The following CLASRP variants were observed in gnomAD, a reference collection of about 807,000 sequenced individuals.
CLASRP encodes CLK4 associating serine/arginine rich protein.
Under a neutral mutation model 99.9 loss-of-function variants are expected in CLASRP, and 52 were observed. The observed-to-expected ratio is 0.52, with a 90% CI of 0.42 to 0.66. CLASRP has a LOEUF of 0.66. Ranked by LOEUF, CLASRP falls within the 30% of genes least tolerant of loss-of-function variation. CLASRP has a pLI of 0.00. For missense variants in CLASRP, 848 were observed against 999.2 expected, an observed-to-expected ratio of 0.85 and a Z score of 2.04; for synonymous variants, 379 against 373.0, an observed-to-expected ratio of 1.02 and a Z score of -0.18.
chr19:45,064,073 G>A lies in CLASRP; in HGVS notation c.967G>A (p.Glu323Lys). 6.2e-7 allele frequency: 1 copy of A among 1,602,560 alleles called. No homozygotes were observed. Among genetic ancestry groups the A allele is most frequent in the Non-Finnish European group, 8.5e-7 (1 of 1,174,538 alleles). Residue 323 changes from glutamate (E) to lysine (K), a missense_variant, in exon 12 of 21, where the codon GAG (glutamate) becomes AAG (lysine). Physicochemically the swap from Glu to Lys is moderately conservative, Grantham distance 56 (BLOSUM62 1). This residue lies in a region of CLASRP where 489 missense variants were observed against 434.7 expected (regional missense o/e 1.12). Coordinates refer to ENST00000221455, the MANE Select transcript of CLASRP (RefSeq NM_007056.3). The part of the protein sequence containing the change: ...SRSRSPTPGR[E>K]EKITFITSFG... ...CTCCCGCTCCCCGACCCCGGGCCGC[G>A]AGGAGAAGATCACGTTCATCACCAG... is the stretch of plus-strand genomic sequence containing the variant.
rs919592289 is a variant in CLASRP at position 45,064,458 on chromosome 19, C to T, written c.1237C>T (p.Arg413Cys). 2 of 1,528,416 alleles carry T rather than the reference C, an allele frequency of 1.3e-6. No individual in the cohort carries two copies. The highest frequency in any genetic ancestry group is 1.4e-5 in the African/African-American group (1 of 72,670). 94.7% of individuals were successfully genotyped at this position (1,528,416 alleles called of 1,614,324 possible). A position where few individuals can be genotyped will look rare whatever the true frequency, so the allele number is the denominator to read the frequency against. ...TGGTGGGGGCTACTACCGTTCCGGC[C>T]GCCACGCCCGCTCCCGGTCCCGCTC... Reference protein sequence around the residue: ...RRGGGYYRSGRHARSRSRSWS... With the variant: ...RRGGGYYRSGCHARSRSRSWS... Residue 413 changes from arginine (R) to cysteine (C), a missense_variant, in exon 13 of 21, where the codon CGC becomes TGC. Arg to Cys is a radical substitution (Grantham distance 180). Coordinates refer to ENST00000221455, the MANE Select transcript of CLASRP (RefSeq NM_007056.3).
intron 5 of CLASRP, among the ~76,000 whole-genome samples, chr19:45,055,051 G>A (rs932671029): frequency 1.3e-5 from 2 of 152,210 alleles, no homozygotes; most frequent in African/African-American, 4.8e-5. Context: ...GCTTCCTGGT[G>A]GTAGAGCCAG....
chr19:45,046,906 A>G (rs141298485), intron 2 of CLASRP, among the ~76,000 whole-genome samples: 42 of 152,312 alleles, frequency 2.8e-4, no homozygotes, highest in African/African-American at 9.9e-4. Context: ...ACATGCCTGC[A>G]GTTCCAGCTA....
At position 45,065,388 on chromosome 19, in the gene CLASRP, C is replaced by CAAAGAA. The variant is rs1456182873; in HGVS notation, c.1409+761_1409+762insGAAAAA. The stretch of plus-strand genomic sequence containing the variant: ...CTGGTGACAGAGTGAGATTCCGTCT[C>CAAAGAA]AAAAAAAAAAAAAAAAAAAAAAATT... On this transcript the variant is annotated intron_variant, in intron 13 of 20. Transcript: ENST00000221455. Among the ~76,000 whole-genome samples the CAAAGAA allele has an allele frequency of 3.8e-3, 323 of 84,960 alleles. 3 individuals are homozygous for CAAAGAA. The highest frequency in any genetic ancestry group is 6.6e-3 in the Non-Finnish European group (267 of 40,752). The allele number at this position is 84,960 out of a possible 152,430, so 55.7% of individuals were successfully genotyped here.
chr19:45,058,218 G>T (rs955390297), intron 7 of CLASRP: 2 of 347,328 alleles, frequency 5.8e-6, no homozygotes, highest in Non-Finnish European at 1.1e-5. Flanking sequence ...CCCTCCTCTG[G>T]AAAACAAGTG....
chr19:45,068,361 G>C, intron 15 of CLASRP, 59 bp from the exon 16 acceptor site: 1 of 881,996 alleles, frequency 1.1e-6, no homozygotes, highest in East Asian at 2.4e-5. Flanking sequence ...TGGCTGAGGT[G>C]GGTTGTGGGA....
chr19:45,063,385 A>G (rs1380717791), intron 11 of CLASRP, among the ~76,000 whole-genome samples: 1 of 139,346 alleles, frequency 7.2e-6, no homozygotes, highest in Non-Finnish European at 1.5e-5. Flanking sequence ...CAGATTATCC[A>G]TGTATCTTTT....
chr19:45,059,189 C>T, intron 7 of CLASRP, 79 bp from the exon 8 acceptor site: 1 of 1,267,208 alleles, frequency 7.9e-7, no homozygotes, highest in African/African-American at 1.5e-5. Flanking sequence ...CCCCATCATC[C>T]CCGCCTCCTG....
At position 45,067,317 on chromosome 19, in the gene CLASRP, C is replaced by T. The variant is rs1207219078; in HGVS notation, c.1410-20C>T. Reference sequence around the variant, plus strand: ...TCCCTGGAGCCTCACAGTCCTCCTCCCGCCCTGCTGCATCCCCAGGAGCCG... The same window carrying T: ...TCCCTGGAGCCTCACAGTCCTCCTCTCGCCCTGCTGCATCCCCAGGAGCCG... On this transcript the variant is annotated intron_variant, in intron 13 of 20. Coordinates refer to ENST00000221455, the MANE Select transcript of CLASRP (RefSeq NM_007056.3). The surrounding 1 kb of genome is among the most constrained non-coding windows in gnomAD (Gnocchi z 4.9). 1 of 1,488,282 alleles carries T rather than the reference C, an allele frequency of 6.7e-7. No homozygotes were observed. The highest frequency in any genetic ancestry group is 2.5e-5 in the East Asian group (1 of 40,276). The allele number at this position is 1,488,282 out of a possible 1,614,324, so 92.2% of individuals were successfully genotyped here. A position where few individuals can be genotyped will look rare whatever the true frequency, so the allele number is the denominator to read the frequency against.
At chr19:45,068,601 G>A (rs532209509) in intron 16 of CLASRP, 121 bp downstream of exon 16, 11 of 770,648 alleles carry the variant, frequency 1.4e-5, no homozygotes, top group South Asian at 3.0e-5. Context: ...ACGCAGGCAC[G>A]GAGGTGCTCT....
At position 45,062,160 on chromosome 19, in the gene CLASRP, C is replaced by A; in HGVS notation, c.870C>A (p.Ala290=). ...CCCATTCTTTTCTCTGTAGCTATGC[C>A]CGCCGAGACAGCCCCACCTATGACC... ...RGRKISPPSY[A]RRDSPTYDPY... Residue 290 remains alanine (A), a synonymous_variant, in exon 11 of 21, where the codon GCC becomes GCA. Transcript: ENST00000221455. The A allele has an allele frequency of 6.5e-7, 1 of 1,542,302 alleles. No homozygotes were observed. Among genetic ancestry groups the A allele is most frequent in the Non-Finnish European group, 9.0e-7 (1 of 1,114,816 alleles).
chr19:45,048,554 T>G (rs1163242025), intron 2 of CLASRP, among the ~76,000 whole-genome samples: 1 of 150,756 alleles, frequency 6.6e-6, no homozygotes, highest in Non-Finnish European at 1.5e-5. Context: ...AAATTACTCT[T>G]AAAAAGCAAA....
Position 45,052,119 on chromosome 19 carries a change from G to A in CLASRP, c.148G>A (p.Val50Met), listed in dbSNP as rs1600100195. The A allele has an allele frequency of 6.2e-7, 1 of 1,614,068 alleles. No individual in the cohort carries two copies. Residue 50 changes from valine (V) to methionine (M), a missense_variant, in exon 3 of 21, where the codon GTG becomes ATG. Val to Met is a conservative substitution (Grantham distance 21). Transcript: ENST00000221455. ...FLQVHGRACK[V>M]HLDSAVALAA... ...GCAGGTACATGGCCGAGCTTGCAAG[G>A]TGCACCTGGATTCTGCAGTCGCCCT... is the stretch of plus-strand genomic sequence containing the variant.
At chr19:45,069,633 C>A (rs1158300653) in intron 18 of CLASRP, 1 of 451,330 alleles carries the variant, frequency 2.2e-6, no homozygotes, top group Non-Finnish European at 4.1e-6. Context: ...TCCCACCTCA[C>A]AGGCTGTTGG....
intron 12 of CLASRP, 45 bp downstream of exon 12, chr19:45,064,272 G>C: frequency 6.5e-7 from 1 of 1,527,704 alleles, no homozygotes; most frequent in Non-Finnish European, 8.8e-7. Context: ...GGTCACCATG[G>C]GGGGTACCCG....
chr19:45,065,317 G>A (rs1467663948), intron 13 of CLASRP, among the ~76,000 whole-genome samples: 3 of 149,564 alleles, frequency 2.0e-5, no homozygotes, highest in Non-Finnish European at 4.4e-5. Flanking sequence ...TTGAAACCGG[G>A]AAGCAGAGGT....
chr19:45,063,434 A>ATTTTTTTTTT (rs1600110419), intron 11 of CLASRP, among the ~76,000 whole-genome samples: 2 of 54,954 alleles, frequency 3.6e-5, no homozygotes, highest in African/African-American at 1.3e-4. Context: ...AGATCTGCTT[A>ATTTTTTTTTT]TCTTTTTTTT....
In CLASRP at chr19:45,059,199, G is replaced by T. The variant is rs963559203; in HGVS notation, c.614-69G>T. The T allele has an allele frequency of 2.2e-6, 3 of 1,360,818 alleles. No homozygotes were observed. In the African/African-American group the frequency reaches 4.3e-5, roughly 20 times the overall value. 84.3% of individuals were successfully genotyped at this position (1,360,818 alleles called of 1,614,324 possible). ...GGGCGCCCCATCATCCCCGCCTCCT[G>T]GAGCACTGCCCCTTCTCCCCTGTCC... On this transcript the variant is annotated intron_variant, in intron 7 of 20. Transcript: ENST00000221455.
In CLASRP at chr19:45,040,395, A is replaced by G; in HGVS notation, c.99+84A>G. ...CATCCTGGTAAAATCTGGGCTTGGAAGTATGTCAAGACAAGAGGCTCATTT... is the reference window on the plus strand; with the variant it reads ...CATCCTGGTAAAATCTGGGCTTGGAGGTATGTCAAGACAAGAGGCTCATTT... On this transcript the variant is annotated intron_variant, in intron 2 of 20. Coordinates refer to ENST00000221455, the MANE Select transcript of CLASRP (RefSeq NM_007056.3). 7 of 891,932 alleles carry G rather than the reference A, an allele frequency of 7.8e-6. No individual in the cohort carries two copies. The South Asian group carries it at 1.0e-4, about 13-fold the overall frequency. The allele number at this position is 891,932 out of a possible 1,614,324, so 55.3% of individuals were successfully genotyped here.
Sources: gnomAD v4.1 joint callset for allele counts (sites outside exome capture counted in the v4.1 genomes callset) on GRCh38, gnomAD v4.1.1 for gene constraint, gnomAD v4.1.1 regional missense constraint, Gnocchi (gnomAD v3.1) non-coding constraint, MANE v1.5 for transcripts, NCBI Gene and HGNC (gene_info 2026-07-23, HGNC 2026-07-21) for gene names.